Variants in RASGRF2 observed in about 807,000 individuals in gnomAD.
RASGRF2 encodes the protein Ras protein specific guanine nucleotide releasing factor 2.
RASGRF2 carries 76 observed loss-of-function variants against 151.0 expected under a neutral mutation model. That is an observed-to-expected ratio of 0.50 (90% CI 0.42 to 0.61). The LOEUF (loss-of-function observed/expected upper bound fraction) is 0.61, where lower values mean the gene tolerates loss of function less well. Among genes scored for constraint, RASGRF2 ranks in the 20% least tolerant of loss-of-function variants. The pLI is 0.00. For synonymous variants in RASGRF2, 504 were observed against 566.5 expected (o/e 0.89, Z 1.57); for missense variants, 1,148 against 1,564.6 (o/e 0.73, Z 4.49).
intron 17 of RASGRF2, among the ~76,000 whole-genome samples, chr5:81,149,145 A>G (rs892679218): frequency 3.3e-5 from 5 of 152,252 alleles, no homozygotes; most frequent in Admixed American, 2.0e-4. Flanking sequence ...TATTGGGAAA[A>G]TAAGTCATTA....
intron 5 of RASGRF2, among the ~76,000 whole-genome samples, chr5:81,074,505 T>C (rs914885286): frequency 6.6e-6 from 1 of 152,218 alleles, no homozygotes; most frequent in African/African-American, 2.4e-5. Context: ...ACGTAATATC[T>C]GTACTAGTTT....
intron 22 of RASGRF2, among the ~76,000 whole-genome samples, chr5:81,209,067 A>G (rs1463520679): frequency 2.6e-5 from 4 of 152,190 alleles, no homozygotes; most frequent in African/African-American, 9.6e-5. Flanking sequence ...TGAGCAGTAC[A>G]TGTGTCACTG....
chr5:81,121,883 T>C (rs1464120606), intron 15 of RASGRF2, among the ~76,000 whole-genome samples: 1 of 152,230 alleles, frequency 6.6e-6, no homozygotes, highest in Non-Finnish European at 1.5e-5. Flanking sequence ...GCCGTGCAAC[T>C]TAGCCACCTG....
intron 24 of RASGRF2, 120 bp downstream of exon 24, chr5:81,216,075 C>A (rs1755729014): frequency 2.0e-6 from 2 of 1,009,064 alleles, no homozygotes; most frequent in Non-Finnish European, 1.3e-6. Flanking sequence ...AAATGGGAAA[C>A]AACTTGTATC....
chr5:80,972,456 A>G (rs1747968441), intron 1 of RASGRF2, among the ~76,000 whole-genome samples: 1 of 151,704 alleles, frequency 6.6e-6, no homozygotes, highest in South Asian at 2.1e-4. Flanking sequence ...CACCTTTTCA[A>G]GTACTTATCA....
At chr5:81,071,755 C>T (rs1052745470) in intron 4 of RASGRF2, among the ~76,000 whole-genome samples, 4 of 151,820 alleles carry the variant, frequency 2.6e-5, no homozygotes, top group Non-Finnish European at 5.9e-5. Context: ...ATTCTATTGC[C>T]TTTCCTTTAA....
intron 12 of RASGRF2, among the ~76,000 whole-genome samples, chr5:81,106,338 A>G (rs546408327): frequency 6.6e-6 from 1 of 151,864 alleles, no homozygotes; most frequent in Non-Finnish European, 1.5e-5. Context: ...GAATCATTTC[A>G]TTTACTGATT....
At chr5:81,150,575 T>C (rs1476849369) in intron 17 of RASGRF2, among the ~76,000 whole-genome samples, 3 of 152,150 alleles carry the variant, frequency 2.0e-5, no homozygotes, top group African/African-American at 7.2e-5. Context: ...CCCCCCATCA[T>C]CCATTTATTC....
chr5:81,054,226 T>C lies in RASGRF2; in HGVS notation c.395+11243T>C, dbSNP rs1288951687. Among the ~76,000 whole-genome samples the C allele has an allele frequency of 2.0e-5, 3 of 152,358 alleles. No homozygotes were observed. In the East Asian group the frequency reaches 5.8e-4, roughly 29 times the overall value. ...GTGCCTGTGTCCTGAATGGTATTGC[T>C]TAGGTTTTCTTCTAGGGTTTTTATG... On this transcript the variant is annotated intron_variant, in intron 2 of 26. Coordinates refer to ENST00000265080, the MANE Select transcript of RASGRF2 (RefSeq NM_006909.3).
At chr5:81,067,086 C>T (rs26904) in intron 2 of RASGRF2, among the ~76,000 whole-genome samples, 110,039 of 152,148 alleles carry the variant, frequency 0.72, 40,633 homozygotes, top group Non-Finnish European at 0.8. Flanking sequence ...ACTAGCTGTG[C>T]GATCTGAGGT....
rs1445199906 is a variant in RASGRF2, at chr5:81,113,748, C to CA, written c.2299dup (p.Thr767AsnfsTer42). ...TGGACCTGACAACTTCCAGCAGTCC[C>CA]ACCACCACCACCCAGAGTCCCGCTG... On this transcript the variant is annotated frameshift_variant, in exon 15 of 27. Coordinates refer to ENST00000265080, the MANE Select transcript of RASGRF2 (RefSeq NM_006909.3). LOFTEE classifies it high-confidence loss of function. 6.2e-7 allele frequency: 1 copy of CA among 1,613,266 alleles called. No homozygotes were observed. Among genetic ancestry groups the CA allele is most frequent in the Non-Finnish European group, 8.5e-7 (1 of 1,179,276 alleles).
intron 1 of RASGRF2, among the ~76,000 whole-genome samples, chr5:81,002,908 C>T (rs1302379428): frequency 6.6e-6 from 1 of 152,150 alleles, no homozygotes; most frequent in Non-Finnish European, 1.5e-5. Flanking sequence ...GAAAAAATGC[C>T]TTTTGGATAT....
intron 17 of RASGRF2, among the ~76,000 whole-genome samples, chr5:81,165,295 G>A (rs73768027): frequency 0.013 from 1,965 of 152,236 alleles, 19 homozygotes; most frequent in Middle Eastern, 0.041. Flanking sequence ...TCCCATAAAT[G>A]GAAGCAGTCT....
At chr5:81,167,756 A>C (rs10474652) in intron 17 of RASGRF2, among the ~76,000 whole-genome samples, 4,098 of 152,208 alleles carry the variant, frequency 0.027, 191 homozygotes, top group African/African-American at 0.093. Context: ...GGAAAGATCA[A>C]AGGTGGGGAG....
chr5:81,019,454 A>AG (rs1446012884), intron 1 of RASGRF2: 2 of 152,222 alleles, frequency 1.3e-5, no homozygotes, highest in East Asian at 3.9e-4. Flanking sequence ...TTGTGAGGTT[A>AG]GGGGTCCCAC....
Position 80,977,172 on chromosome 5 carries a change from T to G in RASGRF2, c.288+16146T>G, listed in dbSNP as rs1053955266. ...ATGGTGGTTTGAGCAGAGTCCATCC[T>G]CCTTCCTGTTTACCTGGCCTGTCCT... On this transcript the variant is annotated intron_variant, in intron 1 of 26. Coordinates refer to ENST00000265080, the MANE Select transcript of RASGRF2 (RefSeq NM_006909.3). Among the ~76,000 whole-genome samples, 3 of 152,164 alleles carry G rather than the reference T, an allele frequency of 2.0e-5. No homozygotes were observed. The East Asian group carries it at 5.8e-4, about 29-fold the overall frequency.
intron 1 of RASGRF2, among the ~76,000 whole-genome samples, chr5:80,969,736 C>T (rs1465512927): frequency 6.6e-6 from 1 of 151,662 alleles, no homozygotes; most frequent in Non-Finnish European, 1.5e-5. Flanking sequence ...CAGGCGTGAG[C>T]CACTGCGCCT....
chr5:81,089,001 C>T (rs1752318098), intron 9 of RASGRF2, among the ~76,000 whole-genome samples: 1 of 152,022 alleles, frequency 6.6e-6, no homozygotes, highest in African/African-American at 2.4e-5. Flanking sequence ...TGCCTTTTAG[C>T]AGTATTTTTC....
chr5:81,207,890 G>C (rs935821801), intron 21 of RASGRF2, among the ~76,000 whole-genome samples: 1 of 152,236 alleles, frequency 6.6e-6, no homozygotes, highest in African/African-American at 2.4e-5. Context: ...CATCCTCCAG[G>C]AGAATGGCAG....
Sources: allele counts gnomAD v4.1 joint callset (sites outside exome capture counted in the v4.1 genomes callset), GRCh38; gene constraint gnomAD v4.1.1; transcripts MANE v1.5; gene names NCBI Gene and HGNC (gene_info 2026-07-23, HGNC 2026-07-21).